Variants in KCNIP4 observed in about 807,000 individuals in gnomAD.
KCNIP4 encodes the protein potassium voltage-gated channel interacting protein 4, also known as Kv channel-interacting protein 4.
Under a neutral mutation model 34.0 loss-of-function variants are expected in KCNIP4, and 12 were observed. That is an observed-to-expected ratio of 0.35 (90% CI 0.23 to 0.57). The LOEUF (loss-of-function observed/expected upper bound fraction) is 0.57. Ranked by LOEUF, KCNIP4 falls within the 20% of genes least tolerant of loss-of-function variation. The pLI is 0.83. For missense variants in KCNIP4, 238 were observed against 311.7 expected (o/e 0.76, Z 1.78); for synonymous variants, 124 against 102.2 (o/e 1.21, Z -1.29).
chr4:21,410,949 G>A (rs1724443771), intron 1 of KCNIP4, among the ~76,000 whole-genome samples: 1 of 152,160 alleles, frequency 6.6e-6, no homozygotes, highest in African/African-American at 2.4e-5. Flanking sequence ...AGACAACACT[G>A]AAAGGTGACA....
chr4:21,671,905 G>A (rs190395223), intron 1 of KCNIP4, among the ~76,000 whole-genome samples: 29 of 152,182 alleles, frequency 1.9e-4, no homozygotes, highest in African/African-American at 3.1e-4. Flanking sequence ...TCAAGCAAAC[G>A]CATCCCACTA....
chr4:21,318,439 T>G (rs902708782), intron 1 of KCNIP4, among the ~76,000 whole-genome samples: 4 of 152,212 alleles, frequency 2.6e-5, no homozygotes, highest in Non-Finnish European at 5.9e-5. Flanking sequence ...CTACTCTATT[T>G]GGAAAAGGTA....
At chr4:21,490,217 T>C (rs1476054415) in intron 1 of KCNIP4, among the ~76,000 whole-genome samples, 1 of 152,172 alleles carries the variant, frequency 6.6e-6, no homozygotes, top group Non-Finnish European at 1.5e-5. Context: ...GTCGTTTAGT[T>C]CCTTGGGCTT....
chr4:21,123,086 C>T (rs778844527), intron 1 of KCNIP4, among the ~76,000 whole-genome samples: 8 of 151,974 alleles, frequency 5.3e-5, no homozygotes, highest in Non-Finnish European at 5.9e-5. Context: ...TGGTGGCGGG[C>T]GCCTGTAGTC....
At chr4:21,371,202 G>C (rs1333038591) in intron 1 of KCNIP4, among the ~76,000 whole-genome samples, 1 of 145,648 alleles carries the variant, frequency 6.9e-6, no homozygotes, top group Admixed American at 6.6e-5. Context: ...AGGGTTTTAG[G>C]TACAGGAATG....
chr4:21,741,648 A>G (rs944070739), intron 1 of KCNIP4, among the ~76,000 whole-genome samples: 3 of 152,204 alleles, frequency 2.0e-5, no homozygotes, highest in Non-Finnish European at 4.4e-5. Flanking sequence ...AATAAAGCAA[A>G]GACAGAAGCG....
intron 5 of KCNIP4, among the ~76,000 whole-genome samples, chr4:20,736,422 T>G (rs1373782601): frequency 6.6e-6 from 1 of 152,214 alleles, no homozygotes; most frequent in Non-Finnish European, 1.5e-5. Flanking sequence ...TATTCTAAAC[T>G]AGTTGTTTGT....
chr4:21,511,661 C>T (rs553128852), intron 1 of KCNIP4, among the ~76,000 whole-genome samples: 1 of 152,218 alleles, frequency 6.6e-6, no homozygotes, highest in Admixed American at 6.5e-5. Context: ...ACAACGGGAG[C>T]TCATGACATC....
intron 1 of KCNIP4, among the ~76,000 whole-genome samples, chr4:21,245,333 C>G (rs1760119581): frequency 6.6e-6 from 1 of 152,152 alleles, no homozygotes; most frequent in Admixed American, 6.5e-5. Flanking sequence ...ATTATAAACA[C>G]TTTTTCACAC....
intron 1 of KCNIP4, among the ~76,000 whole-genome samples, chr4:21,184,609 G>C (rs1365292880): frequency 6.6e-6 from 1 of 152,154 alleles, no homozygotes; most frequent in Non-Finnish European, 1.5e-5. Context: ...TGGCACTTTT[G>C]TGTGTTCCAC....
chr4:21,004,695 T>C (rs780171698), intron 1 of KCNIP4, among the ~76,000 whole-genome samples: 1 of 152,126 alleles, frequency 6.6e-6, no homozygotes, highest in Non-Finnish European at 1.5e-5. Flanking sequence ...ACTTCATGAA[T>C]TATAATTAGC....
intron 1 of KCNIP4, among the ~76,000 whole-genome samples, chr4:21,922,019 T>C (rs1183984015): frequency 6.6e-6 from 1 of 152,206 alleles, no homozygotes; most frequent in East Asian, 1.9e-4. Flanking sequence ...TCTCTCTGCC[T>C]CACTCCCTAT....
intron 2 of KCNIP4, among the ~76,000 whole-genome samples, chr4:20,879,980 G>T (rs1452968146): frequency 6.6e-6 from 1 of 152,138 alleles, no homozygotes. Flanking sequence ...ATATCCAAAG[G>T]CAGAGAATGG....
intron 1 of KCNIP4, among the ~76,000 whole-genome samples, chr4:21,529,554 C>G (rs1736496997): frequency 6.6e-6 from 1 of 152,052 alleles, no homozygotes; most frequent in South Asian, 2.1e-4. Context: ...TTTTTATCTT[C>G]TTTTTCTTCA....
chr4:20,732,273 A>C lies in KCNIP4; in HGVS notation c.643-205T>G, dbSNP rs577775522. On this transcript the variant is annotated intron_variant, in intron 7 of 8. Transcript: ENST00000382152. ...TTCTGGCTTTTCCCTTTTCAATATA[A>C]TGTGGTGAAGATGTAGAGTCACTCT... Among the ~76,000 whole-genome samples the C allele has an allele frequency of 3.2e-4, 48 of 152,274 alleles. No individual in the cohort carries two copies. In the South Asian group the frequency reaches 9.7e-3, roughly 31 times the overall value.
chr4:21,649,902 G>A (rs1262517483), intron 1 of KCNIP4, among the ~76,000 whole-genome samples: 1 of 152,060 alleles, frequency 6.6e-6, no homozygotes, highest in African/African-American at 2.4e-5. Flanking sequence ...AGTGAGTGAG[G>A]GTCATATTTT....
At chr4:20,864,024 A>G (rs1198127166) in intron 2 of KCNIP4, among the ~76,000 whole-genome samples, 6 of 132,110 alleles carry the variant, frequency 4.5e-5, no homozygotes, top group Admixed American at 3.0e-4. Context: ...GTGTATGTAT[A>G]CATACATATG....
At chr4:21,609,848 T>A (rs1389665614) in intron 1 of KCNIP4, among the ~76,000 whole-genome samples, 1 of 152,246 alleles carries the variant, frequency 6.6e-6, no homozygotes. Flanking sequence ...TCACATTTAA[T>A]ACTCACAAAT....
At chr4:21,610,709 C>T (rs149366624) in intron 1 of KCNIP4, among the ~76,000 whole-genome samples, 2 of 152,002 alleles carry the variant, frequency 1.3e-5, no homozygotes, top group African/African-American at 4.8e-5. Flanking sequence ...CAAAGAAAAA[C>T]CCGAGACTGG....
Sources: allele counts gnomAD v4.1 joint callset (sites outside exome capture counted in the v4.1 genomes callset), GRCh38; gene constraint gnomAD v4.1.1; transcripts MANE v1.5; gene names NCBI Gene and HGNC (gene_info 2026-07-23, HGNC 2026-07-21).